The following PDE2A variants were observed in gnomAD, a reference collection of about 807,000 sequenced individuals.
PDE2A encodes the protein cGMP-dependent 3',5'-cyclic phosphodiesterase.
Under a neutral mutation model 133.6 loss-of-function variants are expected in PDE2A, and 53 were observed. That is an observed-to-expected ratio of 0.40 (90% CI 0.32 to 0.50). The LOEUF is 0.50. Ranked by LOEUF, PDE2A falls within the 20% of genes least tolerant of loss-of-function variation. PDE2A has a pLI of 0.73. For missense variants in PDE2A, 796 were observed against 1,232.4 expected, an observed-to-expected ratio of 0.65 and a Z score of 5.30; for synonymous variants, 491 against 490.2, an observed-to-expected ratio of 1.00 and a Z score of -0.02.
chr11:72,672,977 C>CAT (rs1020247185), intron 1 of PDE2A, among the ~76,000 whole-genome samples: 25 of 152,118 alleles, frequency 1.6e-4, no homozygotes, highest in African/African-American at 6.0e-4. Flanking sequence ...TGAATACACA[C>CAT]ATATAGATAC....
At chr11:72,579,135 C>G in intron 27 of PDE2A, 126 bp from the exon 28 acceptor site, 1 of 938,540 alleles carries the variant, frequency 1.1e-6, no homozygotes, top group Admixed American at 1.8e-5. Flanking sequence ...GCCAAGGGGC[C>G]AGTGCTGGGT....
chr11:72,579,788 C>T, intron 25 of PDE2A, 180 bp from the exon 26 acceptor site: 1 of 596,252 alleles, frequency 1.7e-6, no homozygotes, highest in Non-Finnish European at 3.0e-6. Context: ...TCTGTGTGAC[C>T]CAGGGTGAGT....
At position 72,577,240 on chromosome 11, in the gene PDE2A, C is replaced by A; in HGVS notation, c.*144G>T. Reference sequence around the variant, plus strand: ...CATTATACAGACGAGAAAGCTGAGGCCCAGGAAGGTAGTACTTGTCCAGGG... The same window carrying A: ...CATTATACAGACGAGAAAGCTGAGGACCAGGAAGGTAGTACTTGTCCAGGG... On this transcript the variant is annotated 3_prime_UTR_variant, in exon 31 of 31. Coordinates refer to ENST00000334456, the MANE Select transcript of PDE2A (RefSeq NM_002599.5). 7 of 617,252 alleles carry A rather than the reference C, an allele frequency of 1.1e-5. No individual in the cohort carries two copies. Among genetic ancestry groups the A allele is most frequent in the Non-Finnish European group, 2.0e-5 (7 of 351,220 alleles). The allele number at this position is 617,252 out of a possible 1,614,324, so 38.2% of individuals were successfully genotyped here. A position where few individuals can be genotyped will look rare whatever the true frequency, so the allele number is the denominator to read the frequency against.
At chr11:72,616,410 G>A (rs936442512) in intron 2 of PDE2A, among the ~76,000 whole-genome samples, 5 of 152,150 alleles carry the variant, frequency 3.3e-5, no homozygotes, top group African/African-American at 1.2e-4. Context: ...GGAGCTTTTG[G>A]AGGGCAGAGA....
intron 1 of PDE2A, among the ~76,000 whole-genome samples, chr11:72,671,104 G>A (rs969786212): frequency 3.3e-5 from 5 of 152,096 alleles, no homozygotes; most frequent in Admixed American, 1.3e-4. Context: ...TTCAAGGTCC[G>A]GCTCAAATGT....
chr11:72,579,086 AC>A, intron 27 of PDE2A, 77 bp from the exon 28 acceptor site: 1 of 1,172,100 alleles, frequency 8.5e-7, no homozygotes, highest in Non-Finnish European at 1.3e-6. Context: ...CCAGGGCCCA[AC>A]CCAGAGCGGT....
chr11:72,626,634 A>G (rs11824399), intron 2 of PDE2A, among the ~76,000 whole-genome samples: 2 of 150,966 alleles, frequency 1.3e-5, no homozygotes, highest in African/African-American at 2.4e-5. Flanking sequence ...CTCCCCTCCC[A>G]CTCCTGCCCA....
chr11:72,670,031 G>A (rs762395881), intron 1 of PDE2A, among the ~76,000 whole-genome samples: 5 of 152,192 alleles, frequency 3.3e-5, no homozygotes, highest in Admixed American at 1.3e-4. Context: ...GCTCCACCAC[G>A]GCCCAGGGCT....
At chr11:72,626,710 C>T (rs1232876514) in intron 2 of PDE2A, among the ~76,000 whole-genome samples, 1 of 152,218 alleles carries the variant, frequency 6.6e-6, no homozygotes, top group African/African-American at 2.4e-5. Flanking sequence ...AATGGCAATA[C>T]CCCCTCCAAC....
At position 72,579,624 on chromosome 11, in the gene PDE2A, T is replaced by C; in HGVS notation, c.2182-16A>G. On this transcript the variant is annotated splice_polypyrimidine_tract_variant and intron_variant, in intron 25 of 30. Transcript: ENST00000334456. ...AGTGGTGCCTCTGGGGGGAGAGGAG[T>C]GATGGGGGCCCAGCTGGGGCAGATG... 1 of 1,587,530 alleles carries C rather than the reference T, an allele frequency of 6.3e-7. No individual in the cohort carries two copies. The highest frequency in any genetic ancestry group is 8.6e-7 in the Non-Finnish European group (1 of 1,162,522).
At chr11:72,654,696 T>G (rs1854842898) in intron 1 of PDE2A, among the ~76,000 whole-genome samples, 1 of 152,208 alleles carries the variant, frequency 6.6e-6, no homozygotes, top group Non-Finnish European at 1.5e-5. Flanking sequence ...TGGGAGCTCC[T>G]GTGCCCTCAG....
chr11:72,605,106 A>T, intron 4 of PDE2A, 32 bp downstream of exon 4: 1 of 1,425,772 alleles, frequency 7.0e-7, no homozygotes, highest in Non-Finnish European at 9.8e-7. Flanking sequence ...TGGCCATGCA[A>T]GAGGGCAATG....
chr11:72,661,779 T>C (rs997455272), intron 1 of PDE2A, among the ~76,000 whole-genome samples: 2 of 152,244 alleles, frequency 1.3e-5, no homozygotes, highest in Non-Finnish European at 2.9e-5. Flanking sequence ...CAAGTGCAAG[T>C]GCTTCCCTGC....
intron 2 of PDE2A, among the ~76,000 whole-genome samples, chr11:72,632,769 C>G (rs1018204617): frequency 1.3e-5 from 2 of 152,210 alleles, no homozygotes; most frequent in East Asian, 3.9e-4. Flanking sequence ...GAGAATCCAG[C>G]TCCCCCCTCA....
chr11:72,579,661 C>A (rs1434920362), intron 25 of PDE2A, 53 bp from the exon 26 acceptor site: 12 of 1,279,026 alleles, frequency 9.4e-6, no homozygotes, highest in Non-Finnish European at 1.4e-5. Context: ...GCTCCCTTAC[C>A]ATTGACCCCA....
At chr11:72,642,159 T>A in intron 2 of PDE2A, 95 bp downstream of exon 2, 1 of 1,333,522 alleles carries the variant, frequency 7.5e-7, no homozygotes. Context: ...AGAGGAGGGG[T>A]CTCCTCCCTG....
At position 72,643,925 on chromosome 11, in the gene PDE2A, C is replaced by T. The variant is rs1859058476; in HGVS notation, c.72-1599G>A. On this transcript the variant is annotated intron_variant, in intron 1 of 30. Coordinates refer to ENST00000334456, the MANE Select transcript of PDE2A (RefSeq NM_002599.5). ...TCCCTACCACCAGCACAATAAAGCC[C>T]GAGCCCTGAGCCTGGCGGGCCAGAC... 2.0e-5 allele frequency among the ~76,000 whole-genome samples: 3 copies of T among 152,190 alleles called. No homozygotes were observed. The South Asian group carries it at 6.2e-4, about 31-fold the overall frequency.
intron 4 of PDE2A, among the ~76,000 whole-genome samples, chr11:72,603,788 G>C (rs1213358177): frequency 1.3e-5 from 2 of 152,182 alleles, no homozygotes; most frequent in South Asian, 4.1e-4. Context: ...AAGTTGTTAG[G>C]GGAAGGTGAA....
intron 1 of PDE2A, chr11:72,652,495 C>G (rs563438258): frequency 5.3e-4 from 240 of 455,314 alleles, no homozygotes; most frequent in Non-Finnish European, 9.1e-4. Flanking sequence ...AGGTGCATGC[C>G]AGCCTCCACC....
Sources: allele counts gnomAD v4.1 joint callset (sites outside exome capture counted in the v4.1 genomes callset), GRCh38; gene constraint gnomAD v4.1.1; transcripts MANE v1.5; gene names NCBI Gene and HGNC (gene_info 2026-07-23, HGNC 2026-07-21).